CCR5AS: variants seen among roughly 807,000 people sequenced by gnomAD.
CCR5AS encodes CCR5 antisense RNA.
intron 2 of CCR5AS, chr3:46,376,059 G>C (rs1575281221): frequency 6.0e-6 from 1 of 167,066 alleles, no homozygotes; most frequent in African/African-American, 2.4e-5. Flanking sequence ...TTAAGTTGTG[G>C]AGAGTGCAAC....
chr3:46,405,087 G>C (rs1355537001), intron 1 of CCR5AS, among the ~76,000 whole-genome samples: 4 of 152,200 alleles, frequency 2.6e-5, no homozygotes, highest in African/African-American at 9.7e-5. Flanking sequence ...GAATAATAAA[G>C]AGAACTTTCC....
intron 2 of CCR5AS, among the ~76,000 whole-genome samples, chr3:46,390,757 A>G (rs373268479): frequency 2.5e-4 from 38 of 152,284 alleles, no homozygotes; most frequent in African/African-American, 8.9e-4. Context: ...AGGAAGCTGG[A>G]CAGGTGGGGA....
At chr3:46,373,259 C>T (rs1205459497) in intron 2 of CCR5AS, 5 of 1,614,136 alleles carry the variant, frequency 3.1e-6, no homozygotes, top group African/African-American at 2.7e-5. Context: ...TCTTCTTCAT[C>T]ATCCTCCTGA....
chr3:46,379,771 C>T (rs1391636819), intron 2 of CCR5AS, among the ~76,000 whole-genome samples: 1 of 152,072 alleles, frequency 6.6e-6, no homozygotes, highest in African/African-American at 2.4e-5. Context: ...GTGGCGGGTG[C>T]TTGTAATCCC....
At chr3:46,390,120 G>A (rs970773107) in intron 2 of CCR5AS, among the ~76,000 whole-genome samples, 13 of 152,168 alleles carry the variant, frequency 8.5e-5, no homozygotes, top group Admixed American at 3.9e-4. Flanking sequence ...CCAAAGTAAT[G>A]TGGGCTGTCC....
At chr3:46,373,286 G>A (rs759132997) in intron 2 of CCR5AS, 1 of 1,614,098 alleles carries the variant, frequency 6.2e-7, no homozygotes, top group Non-Finnish European at 8.5e-7. Context: ...ATAGGTACCT[G>A]GCTGTCGTCC....
intron 2 of CCR5AS, among the ~76,000 whole-genome samples, chr3:46,378,421 T>G (rs986149837): frequency 6.6e-6 from 1 of 152,224 alleles, no homozygotes. Flanking sequence ...GTCATTGTGA[T>G]TCTGTCATGT....
Position 46,399,847 on chromosome 3 carries a change from T to A in CCR5AS, n.164-6795A>T, listed in dbSNP as rs932384908. Among the ~76,000 whole-genome samples, 43 of 152,146 alleles carry A rather than the reference T, an allele frequency of 2.8e-4. 2 individuals are homozygous for A. The highest frequency in any genetic ancestry group is 6.2e-4 in the South Asian group (3 of 4,826). ...AAGAGACTGGAAGCTTTAGGTAGCT[T>A]GAAATAGTTGATGGAAAAATTGGAT... On this transcript the variant is annotated intron_variant and non_coding_transcript_variant, in intron 1 of 3. Transcript: ENST00000451485.
chr3:46,400,660 G>C (rs938843059), intron 1 of CCR5AS, among the ~76,000 whole-genome samples: 2 of 152,154 alleles, frequency 1.3e-5, no homozygotes, highest in African/African-American at 4.8e-5. Flanking sequence ...TTAATGAGCT[G>C]AGACTTGGGC....
intron 1 of CCR5AS, among the ~76,000 whole-genome samples, chr3:46,394,350 T>TACAG: frequency 6.6e-6 from 1 of 152,304 alleles, no homozygotes; most frequent in Non-Finnish European, 1.5e-5. Context: ...CAGGGGCTGC[T>TACAG]ACAGGCTCCT....
intron 3 of CCR5AS, among the ~76,000 whole-genome samples, chr3:46,366,450 A>T (rs1270867298): frequency 6.6e-6 from 1 of 152,178 alleles, no homozygotes; most frequent in Non-Finnish European, 1.5e-5. Flanking sequence ...ACGCCTAGAC[A>T]CCGATCTGAA....
At chr3:46,384,156 G>A (rs34291293) in intron 2 of CCR5AS, among the ~76,000 whole-genome samples, 20,317 of 152,272 alleles carry the variant, frequency 0.13, 1,522 homozygotes, top group Non-Finnish European at 0.15. Context: ...GAAATGCAAG[G>A]CATTTTATAG....
intron 1 of CCR5AS, among the ~76,000 whole-genome samples, chr3:46,395,157 C>T (rs1368587439): frequency 6.6e-6 from 1 of 152,084 alleles, no homozygotes; most frequent in African/African-American, 2.4e-5. Context: ...TTTAGGGAGG[C>T]ATATGATCAA....
chr3:46,384,862 TAGATA>T (rs1559572418), intron 2 of CCR5AS, among the ~76,000 whole-genome samples: 135 of 2,284 alleles, frequency 0.059, no homozygotes, highest in Admixed American at 0.089. Context: ...AGATGATAGA[TAGATA>T]GATAGATAGA....
chr3:46,400,321 C>T (rs1487509993), intron 1 of CCR5AS, among the ~76,000 whole-genome samples: 2 of 152,092 alleles, frequency 1.3e-5, no homozygotes, highest in African/African-American at 4.8e-5. Context: ...GAAACACACA[C>T]TCAAAGAAAA....
At chr3:46,367,702 C>G (rs1391477857) in intron 3 of CCR5AS, among the ~76,000 whole-genome samples, 6 of 152,130 alleles carry the variant, frequency 3.9e-5, no homozygotes, top group African/African-American at 1.4e-4. Context: ...TCCTGAGTAG[C>G]TGGGACTATA....
intron 2 of CCR5AS, among the ~76,000 whole-genome samples, chr3:46,379,556 T>G (rs897252811): frequency 3.0e-4 from 45 of 152,274 alleles, no homozygotes; most frequent in Non-Finnish European, 5.3e-4. Context: ...GAAAATGATT[T>G]ATTCCAAACC....
At chr3:46,393,677 G>A (rs1278184498) in intron 1 of CCR5AS, among the ~76,000 whole-genome samples, 1 of 152,198 alleles carries the variant, frequency 6.6e-6, no homozygotes, top group Non-Finnish European at 1.5e-5. Flanking sequence ...CAAGGAATGA[G>A]GTAAGAGTAT....
chr3:46,391,711 G>A (rs1306750618), intron 2 of CCR5AS, among the ~76,000 whole-genome samples: 3 of 152,146 alleles, frequency 2.0e-5, no homozygotes, highest in African/African-American at 7.2e-5. Flanking sequence ...GCTAGTTGTG[G>A]AACGAAACTG....
Sources: allele counts gnomAD v4.1 joint callset (sites outside exome capture counted in the v4.1 genomes callset), GRCh38; gene constraint gnomAD v4.1.1; transcripts MANE v1.5; gene names NCBI Gene and HGNC (gene_info 2026-07-23, HGNC 2026-07-21).